Variants in KNTC1 observed in about 807,000 individuals in gnomAD.
The protein encoded by KNTC1 is kinetochore associated 1.
A neutral mutation model predicts 314.4 loss-of-function variants in KNTC1; 253 were observed. That is an observed-to-expected ratio of 0.80 (90% CI 0.73 to 0.89). The LOEUF (loss-of-function observed/expected upper bound fraction) is 0.89. Ranked by LOEUF, KNTC1 falls within the 40% of genes least tolerant of loss-of-function variation. KNTC1 has a pLI of 0.00. For missense variants in KNTC1, 2,475 were observed against 2,572.9 expected (o/e 0.96, Z 0.82); for synonymous variants, 901 against 901.4 (o/e 1.00, Z 0.01).
intron 18 of KNTC1, among the ~76,000 whole-genome samples, chr12:122,559,516 G>A (rs1258391303): frequency 1.3e-5 from 2 of 151,714 alleles, no homozygotes; most frequent in Non-Finnish European, 1.5e-5. Context: ...CCCCAATTTT[G>A]TTTATATTTT....
intron 55 of KNTC1, among the ~76,000 whole-genome samples, 187 bp from the exon 56 acceptor site, chr12:122,614,804 C>T (rs1377872040): frequency 6.6e-6 from 1 of 151,810 alleles, no homozygotes; most frequent in Admixed American, 6.6e-5. Flanking sequence ...TCGCTTGAAC[C>T]CAGGAGGTGG....
chr12:122,557,005 C>T (rs537608724), intron 16 of KNTC1, among the ~76,000 whole-genome samples: 2 of 150,192 alleles, frequency 1.3e-5, no homozygotes, highest in African/African-American at 4.9e-5. Context: ...GTTGTCCTGC[C>T]TCGGCCTCCT....
intron 62 of KNTC1, among the ~76,000 whole-genome samples, chr12:122,624,114 T>G (rs1218054060): frequency 2.0e-5 from 3 of 152,162 alleles, no homozygotes; most frequent in Non-Finnish European, 4.4e-5. Flanking sequence ...CTCTTTTTCA[T>G]AAAACCTCTA....
intron 55 of KNTC1, among the ~76,000 whole-genome samples, chr12:122,613,978 C>T (rs529290767): frequency 2.0e-5 from 3 of 152,198 alleles, no homozygotes; most frequent in East Asian, 3.9e-4. Context: ...TATAGGCGCC[C>T]GCCCACCACA....
intron 62 of KNTC1, among the ~76,000 whole-genome samples, chr12:122,623,773 A>G (rs1874694184): frequency 6.6e-6 from 1 of 152,162 alleles, no homozygotes; most frequent in Non-Finnish European, 1.5e-5. Context: ...ATTGCTCCAA[A>G]AACATAATTC....
chr12:122,603,487 C>G (rs560987015), intron 48 of KNTC1, among the ~76,000 whole-genome samples: 3 of 151,904 alleles, frequency 2.0e-5, no homozygotes, highest in Admixed American at 1.3e-4. Flanking sequence ...CTTTTAATAT[C>G]CAATCACACT....
At chr12:122,592,118 G>GCGGC (rs577567179) in intron 42 of KNTC1, among the ~76,000 whole-genome samples, 7,780 of 152,246 alleles carry the variant, frequency 0.051, 630 homozygotes, top group African/African-American at 0.18. Flanking sequence ...TGCACTCGGA[G>GCGGC]CGGCCGGCCG....
Position 122,574,380 on chromosome 12 carries a change from C to A in KNTC1, c.2382C>A (p.Asp794Glu), listed in dbSNP as rs1027639757. Residue 794 changes from aspartate (D) to glutamate (E), a missense_variant and splice_region_variant, in exon 27 of 64, where the codon GAC becomes GAA. Physicochemically the swap from Asp to Glu is conservative, Grantham distance 45. Coordinates refer to ENST00000333479, the MANE Select transcript of KNTC1 (RefSeq NM_014708.6). ...TAATAGCGTGTTTATCTGACACGGA[C>A]GTAAGTAAATAGTGACCATTTGCGT... is the stretch of plus-strand genomic sequence containing the variant. ...MAVIACLSDT[D>E]LIFDAVLKIM... 9 of 1,563,310 alleles carry A rather than the reference C, an allele frequency of 5.8e-6. No individual in the cohort carries two copies. The highest frequency in any genetic ancestry group is 1.1e-5 in the South Asian group (1 of 87,842).
chr12:122,534,215 A>G (rs11058607), intron 2 of KNTC1, among the ~76,000 whole-genome samples: 34,332 of 152,200 alleles, frequency 0.23, 4,124 homozygotes, highest in East Asian at 0.46. Flanking sequence ...CCAGTGCTGC[A>G]TCCCCACCAG....
intron 44 of KNTC1, among the ~76,000 whole-genome samples, chr12:122,600,297 C>T (rs984657161): frequency 3.9e-5 from 6 of 152,078 alleles, no homozygotes; most frequent in African/African-American, 1.4e-4. Flanking sequence ...CAAGATTTCG[C>T]CATGTTGGCC....
At chr12:122,552,068 C>T (rs746463401) in intron 16 of KNTC1, among the ~76,000 whole-genome samples, 7 of 152,028 alleles carry the variant, frequency 4.6e-5, no homozygotes, top group Non-Finnish European at 5.9e-5. Context: ...TCACCATGCC[C>T]GGTTAATTTT....
At chr12:122,554,905 C>G (rs1180941902) in intron 16 of KNTC1, among the ~76,000 whole-genome samples, 1 of 152,028 alleles carries the variant, frequency 6.6e-6, no homozygotes, top group Non-Finnish European at 1.5e-5. Context: ...GCTGGGTGGG[C>G]GTGGTGGTGT....
intron 9 of KNTC1, 68 bp downstream of exon 9, chr12:122,546,337 T>C: frequency 1.1e-6 from 1 of 932,354 alleles, no homozygotes; most frequent in Non-Finnish European, 1.7e-6. Context: ...TCAGTGTACT[T>C]AGACTGACAT....
chr12:122,541,347 CTCTT>C (rs1374142354), intron 5 of KNTC1, among the ~76,000 whole-genome samples: 20 of 133,946 alleles, frequency 1.5e-4, no homozygotes, highest in Admixed American at 1.4e-3. Context: ...GTCTCTCCCT[CTCTT>C]TTTTTTTTTT....
chr12:122,571,236 T>G (rs1168448329), intron 24 of KNTC1, 110 bp downstream of exon 24: 4 of 736,588 alleles, frequency 5.4e-6, no homozygotes, highest in South Asian at 3.1e-5. Flanking sequence ...AAATTTTCTG[T>G]TTTTTTGTGC....
At chr12:122,539,951 TG>T (rs2137695438) in intron 5 of KNTC1, among the ~76,000 whole-genome samples, 197 bp downstream of exon 5, 1 of 151,256 alleles carries the variant, frequency 6.6e-6, no homozygotes, top group East Asian at 2.0e-4. Flanking sequence ...GGCTAATTTT[TG>T]TATTTTTAAT....
intron 34 of KNTC1, 71 bp downstream of exon 34, chr12:122,583,056 A>C: frequency 7.1e-7 from 1 of 1,401,998 alleles, no homozygotes; most frequent in Non-Finnish European, 9.7e-7. Flanking sequence ...TCATACCTGT[A>C]ATCCCAGCAA....
intron 6 of KNTC1, among the ~76,000 whole-genome samples, chr12:122,542,949 G>A (rs1962459915): frequency 6.6e-6 from 1 of 151,996 alleles, no homozygotes; most frequent in South Asian, 2.1e-4. Flanking sequence ...GTCTTGCTCT[G>A]TCGCCCAGGC....
intron 38 of KNTC1, among the ~76,000 whole-genome samples, chr12:122,587,503 A>G (rs905609107): frequency 1.4e-4 from 21 of 152,238 alleles, no homozygotes; most frequent in Non-Finnish European, 5.9e-5. Context: ...TAGGCAAGTT[A>G]CAATCAAAGG....
Sources: allele counts gnomAD v4.1 joint callset (sites outside exome capture counted in the v4.1 genomes callset), GRCh38; gene constraint gnomAD v4.1.1; transcripts MANE v1.5; gene names NCBI Gene and HGNC (gene_info 2026-07-23, HGNC 2026-07-21).